The following PRMT9 variants were observed in gnomAD, a reference collection of about 807,000 sequenced individuals.
PRMT9 encodes protein arginine methyltransferase 9.
Under a neutral mutation model 83.2 loss-of-function variants are expected in PRMT9, and 59 were observed. The ratio of observed to expected loss-of-function variants is 0.71; its 90% CI spans 0.57 to 0.88. The LOEUF (loss-of-function observed/expected upper bound fraction) is 0.88. PRMT9 is among the 40% of genes least tolerant of loss of function. The pLI is 0.00. For missense variants in PRMT9, 947 were observed against 1,021.9 expected, an observed-to-expected ratio of 0.93 and a Z score of 1.00; for synonymous variants, 333 against 353.2, an observed-to-expected ratio of 0.94 and a Z score of 0.64.
At chr4:147,656,298 T>TGC (rs981593932) in intron 8 of PRMT9, among the ~76,000 whole-genome samples, 1 of 151,344 alleles carries the variant, frequency 6.6e-6, no homozygotes, top group Non-Finnish European at 1.5e-5. Flanking sequence ...TCTGTGTGTG[T>TGC]GCGTGTGTGT....
Position 147,661,033 on chromosome 4 carries a change from C to A in PRMT9, c.959G>T (p.Gly320Val). The change falls in exon 7 of 12, where the codon GGT becomes GTT. Residue 320 changes from glycine to valine, a missense_variant. By Grantham distance (109) the Gly-to-Val change is moderately radical. Coordinates refer to ENST00000322396, the MANE Select transcript of PRMT9 (RefSeq NM_138364.4). The stretch of plus-strand genomic sequence containing the variant: ...ATGGATACCAGCAATGTCCTTAATA[C>A]CCACTCTGGAGAGAGAGAAAATAGG... Reference protein sequence around the residue: ...CAEIRRHHRVGIKDIAGIHLP... With the variant: ...CAEIRRHHRVVIKDIAGIHLP... 6.2e-7 allele frequency: 1 copy of A among 1,607,276 alleles called. No homozygotes were observed.
chr4:147,661,074 T>C lies in PRMT9; in HGVS notation c.954-36A>G, dbSNP rs542659993. 5.0e-5 allele frequency: 71 copies of C among 1,412,654 alleles called. No individual in the cohort carries two copies. The South Asian group carries it at 7.9e-4, about 16-fold the overall frequency. 87.5% of individuals were successfully genotyped at this position (1,412,654 alleles called of 1,614,324 possible). On this transcript the variant is annotated intron_variant, in intron 6 of 11. Coordinates refer to ENST00000322396, the MANE Select transcript of PRMT9 (RefSeq NM_138364.4). ...AGAAAATAGGGGAGGGGTAGGAAGA[T>C]GGATTTTTTTAGAATCAAGTAACAT...
chr4:147,661,702 A>ATGCAGTGAACCCGGAAGGCTGAGCT (rs1734967357), intron 6 of PRMT9, among the ~76,000 whole-genome samples: 1 of 146,508 alleles, frequency 6.8e-6, no homozygotes, highest in Non-Finnish European at 1.5e-5. Context: ...AGGCAGGAGA[A>ATGCAGTGAACCCGGAAGGCTGAGCT]TGCAGTGAAC....
At chr4:147,668,466 C>G (rs947690923) in intron 6 of PRMT9, 73 bp downstream of exon 6, 2 of 925,858 alleles carry the variant, frequency 2.2e-6, no homozygotes, top group Non-Finnish European at 3.5e-6. Context: ...GTCATTTAAA[C>G]CTCTTTCCTT....
chr4:147,682,849 A>G (rs1736584106), intron 1 of PRMT9, among the ~76,000 whole-genome samples: 1 of 152,192 alleles, frequency 6.6e-6, no homozygotes, highest in African/African-American at 2.4e-5. Context: ...GACGCTACTG[A>G]CATTTAGTGG....
chr4:147,678,831 C>A (rs1205512167), intron 2 of PRMT9, among the ~76,000 whole-genome samples: 1 of 152,194 alleles, frequency 6.6e-6, no homozygotes, highest in African/African-American at 2.4e-5. Flanking sequence ...CGTGACTTCA[C>A]TGAAAAAGGA....
intron 10 of PRMT9, among the ~76,000 whole-genome samples, chr4:147,640,061 CT>C (rs1185905675): frequency 4.7e-3 from 165 of 35,058 alleles, no homozygotes; most frequent in African/African-American, 0.014. Context: ...CCACTCCTGT[CT>C]TTTTTTTTTT....
At chr4:147,665,726 T>A (rs1735283429) in intron 6 of PRMT9, among the ~76,000 whole-genome samples, 1 of 152,266 alleles carries the variant, frequency 6.6e-6, no homozygotes, top group African/African-American at 2.4e-5. Flanking sequence ...ATGCCTTGTC[T>A]TTCTCACTTA....
At position 147,668,567 on chromosome 4, in the gene PRMT9, C is replaced by G; in HGVS notation, c.925G>C (p.Glu309Gln). 6.2e-7 allele frequency: 1 copy of G among 1,608,866 alleles called. No individual in the cohort carries two copies. Among genetic ancestry groups the G allele is most frequent in the Non-Finnish European group, 8.5e-7 (1 of 1,176,008 alleles). Residue 309 changes from glutamate to glutamine, a missense_variant, in exon 6 of 12, where the codon GAA becomes CAA. Glu to Gln is a conservative substitution (Grantham distance 29). Transcript: ENST00000322396. ...TGATGTCTTCTTATCTCTGCACATT[C>G]TACTGCCATCCCAAATATAACAGCA... Reference protein sequence around the residue: ...ASAVIFGMAVECAEIRRHHRV... With the variant: ...ASAVIFGMAVQCAEIRRHHRV...
At chr4:147,645,036 CCT>C (rs1007787098) in intron 9 of PRMT9, among the ~76,000 whole-genome samples, 1 of 152,086 alleles carries the variant, frequency 6.6e-6, no homozygotes, top group African/African-American at 2.4e-5. Flanking sequence ...TGTTTTTACT[CCT>C]AAGTTAAATA....
intron 5 of PRMT9, 152 bp downstream of exon 5, chr4:147,670,489 T>A: frequency 3.1e-6 from 2 of 655,564 alleles, no homozygotes; most frequent in Non-Finnish European, 5.3e-6. Context: ...AGTAAAAGTT[T>A]TTTGCATAGA....
intron 2 of PRMT9, among the ~76,000 whole-genome samples, chr4:147,676,589 C>T (rs930090128): frequency 7.2e-5 from 11 of 152,130 alleles, no homozygotes; most frequent in African/African-American, 2.4e-4. Flanking sequence ...ACATACTCTA[C>T]AATTAAAAAC....
In PRMT9 at chr4:147,653,928, T is replaced by C; in HGVS notation, c.1969A>G (p.Ser657Gly). ...LQRPKSDKLWSIIILDVIEPS... is the reference protein window; with the variant it reads ...LQRPKSDKLWGIIILDVIEPS... ...TCAATGACATCCAATATAATTATGCTCCATAACTTGTCTGATTTTGGCCTT... is the reference window on the plus strand; with the variant it reads ...TCAATGACATCCAATATAATTATGCCCCATAACTTGTCTGATTTTGGCCTT... Residue 657 changes from serine to glycine, a missense_variant, in exon 9 of 12, where the codon AGC becomes GGC. Coordinates refer to ENST00000322396, the MANE Select transcript of PRMT9 (RefSeq NM_138364.4). 3.1e-6 allele frequency: 5 copies of C among 1,614,192 alleles called. No individual in the cohort carries two copies. The highest frequency in any genetic ancestry group is 4.2e-6 in the Non-Finnish European group (5 of 1,180,022).
chr4:147,665,572 A>G (rs1735271781), intron 6 of PRMT9, among the ~76,000 whole-genome samples: 1 of 152,152 alleles, frequency 6.6e-6, no homozygotes, highest in Non-Finnish European at 1.5e-5. Flanking sequence ...TTTCTAATAC[A>G]GGATGCCCCA....
At chr4:147,643,757 G>A (rs1035183991) in intron 9 of PRMT9, among the ~76,000 whole-genome samples, 2 of 152,208 alleles carry the variant, frequency 1.3e-5, no homozygotes, top group African/African-American at 2.4e-5. Context: ...TACTTTGGGA[G>A]GCCAAGGTGA....
chr4:147,676,908 G>A (rs1168922275), intron 2 of PRMT9, among the ~76,000 whole-genome samples: 4 of 151,978 alleles, frequency 2.6e-5, no homozygotes, highest in Non-Finnish European at 5.9e-5. Flanking sequence ...GCCGGGCGTG[G>A]TGGCATGTGC....
At chr4:147,683,774 G>C in intron 1 of PRMT9, 25 bp downstream of exon 1, 2 of 1,252,050 alleles carry the variant, frequency 1.6e-6, no homozygotes, top group Non-Finnish European at 2.2e-6. Flanking sequence ...GGATCTGCCA[G>C]CAAGTGAGAA....
chr4:147,647,096 A>G (rs1733780487), intron 9 of PRMT9, among the ~76,000 whole-genome samples: 1 of 152,152 alleles, frequency 6.6e-6, no homozygotes, highest in Admixed American at 6.6e-5. Context: ...CCACAAGGTT[A>G]GGATTATGGG....
chr4:147,673,605 T>G (rs779058704), intron 3 of PRMT9, 33 bp downstream of exon 3: 2 of 1,243,182 alleles, frequency 1.6e-6, no homozygotes, highest in Non-Finnish European at 2.4e-6. Context: ...TTAGAATACA[T>G]GTATATACCA....
Sources: gnomAD v4.1 joint callset for allele counts (sites outside exome capture counted in the v4.1 genomes callset) on GRCh38, gnomAD v4.1.1 for gene constraint, MANE v1.5 for transcripts, NCBI Gene and HGNC (gene_info 2026-07-23, HGNC 2026-07-21) for gene names.